Variants in EEA1 observed in about 807,000 individuals in gnomAD.
The protein encoded by EEA1 is early endosome antigen 1, 162kD.
In EEA1, 111 loss-of-function variants were observed where a neutral mutation model predicts 209.2. That is an observed-to-expected ratio of 0.53 (90% CI 0.45 to 0.62). EEA1 has a LOEUF of 0.62. EEA1 is among the 20% of genes least tolerant of loss of function. EEA1 has a pLI of 0.00. For synonymous variants in EEA1, 536 were observed against 540.6 expected, an observed-to-expected ratio of 0.99 and a Z score of 0.12; for missense variants, 1,343 against 1,530.8, an observed-to-expected ratio of 0.88 and a Z score of 2.05.
At chr12:92,834,262 G>A (rs1023481811) in intron 10 of EEA1, among the ~76,000 whole-genome samples, 2 of 152,016 alleles carry the variant, frequency 1.3e-5, no homozygotes, top group South Asian at 4.1e-4. Flanking sequence ...GTATAAGAGA[G>A]GCCAGGTGCA....
In EEA1 at chr12:92,828,095, T is replaced by C. The variant is rs142298589; in HGVS notation, c.1255-34A>G. 2.7e-3 allele frequency: 4,052 copies of C among 1,497,834 alleles called. 18 individuals carry two copies. The highest frequency in any genetic ancestry group is 8.7e-3 in the Middle Eastern group (49 of 5,640). 92.8% of individuals were successfully genotyped at this position (1,497,834 alleles called of 1,614,324 possible). On this transcript the variant is annotated intron_variant, in intron 11 of 28. Transcript: ENST00000322349. Reference sequence around the variant, plus strand: ...AAAGAAAAAAAAATGTATGTACATATGTACAAACACACACACAGCACCACC... The same window carrying C: ...AAAGAAAAAAAAATGTATGTACATACGTACAAACACACACACAGCACCACC...
intron 14 of EEA1, 131 bp downstream of exon 14, chr12:92,819,177 T>C: frequency 1.3e-6 from 1 of 764,986 alleles, no homozygotes; most frequent in South Asian, 3.0e-5. Context: ...AGATGCTATT[T>C]GGCAAAAAAT....
intron 22 of EEA1, among the ~76,000 whole-genome samples, chr12:92,784,013 C>T (rs1034284007): frequency 7.2e-5 from 11 of 152,218 alleles, no homozygotes; most frequent in African/African-American, 2.6e-4. Flanking sequence ...AACCCAGTTA[C>T]GTCTTTCTGA....
chr12:92,799,207 G>A (rs547165586), intron 20 of EEA1, 121 bp from the exon 21 acceptor site: 1 of 812,394 alleles, frequency 1.2e-6, no homozygotes, highest in East Asian at 2.9e-5. Context: ...AATTTACTGA[G>A]TAACTACTAC....
Position 92,776,840 on chromosome 12 carries a change from T to C in EEA1, c.4113+4A>G. 6.2e-7 allele frequency: 1 copy of C among 1,609,954 alleles called. No homozygotes were observed. Among genetic ancestry groups the C allele is most frequent in the Non-Finnish European group, 8.5e-7 (1 of 1,177,046 alleles). ...AACATAGTTACATGAACAAAATTAT[T>C]TACCCGTCTCACTGTTACTGAAAAG... On this transcript the variant is annotated splice_donor_region_variant and intron_variant, in intron 28 of 28. Transcript: ENST00000322349.
intron 26 of EEA1, 86 bp downstream of exon 26, chr12:92,777,855 T>G: frequency 7.1e-7 from 1 of 1,403,462 alleles, no homozygotes; most frequent in Non-Finnish European, 9.7e-7. Flanking sequence ...TTTCTCAAGA[T>G]TCTTCTATTT....
intron 1 of EEA1, among the ~76,000 whole-genome samples, chr12:92,901,504 G>T (rs1166536866): frequency 6.6e-6 from 1 of 152,020 alleles, no homozygotes; most frequent in Non-Finnish European, 1.5e-5. Context: ...CACAAGTCAG[G>T]GGTTTTTGAT....
chr12:92,793,215 C>T (rs865905118), intron 21 of EEA1, among the ~76,000 whole-genome samples: 68 of 152,136 alleles, frequency 4.5e-4, no homozygotes, highest in African/African-American at 1.6e-3. Context: ...CTTTAAAAAC[C>T]GGCACAAGAC....
rs776802901 is a variant in EEA1 at position 92,802,693 on chromosome 12, G to A, written c.2381C>T (p.Ala794Val). The A allele has an allele frequency of 2.0e-5, 32 of 1,598,032 alleles. No individual in the cohort carries two copies. Among genetic ancestry groups the A allele is most frequent in the Middle Eastern group, 1.7e-4 (1 of 6,000 alleles). ...AAGCTTTTGCTTGATACTTTCAAGG[G>A]CTTCAGATTTTTTCTGTAGATCCAA... ...TRLDLQKKSEALESIKQKLTK... is the reference protein window; with the variant it reads ...TRLDLQKKSEVLESIKQKLTK... The change falls in exon 19 of 29, where the codon GCC becomes GTC. Residue 794 changes from alanine (A) to valine (V), a missense_variant. Ala to Val is a moderately conservative substitution (Grantham distance 64). Coordinates refer to ENST00000322349, the MANE Select transcript of EEA1 (RefSeq NM_003566.4).
At chr12:92,826,099 T>C in intron 13 of EEA1, 67 bp downstream of exon 13, 1 of 1,466,656 alleles carries the variant, frequency 6.8e-7, no homozygotes, top group Non-Finnish European at 9.2e-7. Flanking sequence ...TTTTATTTTT[T>C]CTCTTATATT....
At chr12:92,898,729 C>T (rs1360459108) in intron 1 of EEA1, among the ~76,000 whole-genome samples, 7 of 127,848 alleles carry the variant, frequency 5.5e-5, no homozygotes, top group Admixed American at 2.4e-4. Context: ...TCCTTTTTTT[C>T]CCTTTTTTTT....
At chr12:92,894,486 T>C (rs923873888) in intron 1 of EEA1, among the ~76,000 whole-genome samples, 1 of 151,948 alleles carries the variant, frequency 6.6e-6, no homozygotes. Context: ...AAAAAGTTCC[T>C]GGGGAAATTA....
chr12:92,859,832 T>C (rs750140443), intron 3 of EEA1, among the ~76,000 whole-genome samples: 4 of 152,184 alleles, frequency 2.6e-5, no homozygotes, highest in Non-Finnish European at 4.4e-5. Flanking sequence ...TATCTTGAGC[T>C]CTATTATGAA....
At chr12:92,883,678 G>T in intron 2 of EEA1, 4 of 677,490 alleles carry the variant, frequency 5.9e-6, no homozygotes, top group South Asian at 4.2e-5. Context: ...TTACTTTATC[G>T]TAAGAATACA....
chr12:92,824,201 C>T (rs778083086), intron 13 of EEA1, among the ~76,000 whole-genome samples: 6 of 152,204 alleles, frequency 3.9e-5, no homozygotes, highest in Non-Finnish European at 7.3e-5. Flanking sequence ...CAATACTCTA[C>T]AATAAATCAG....
intron 3 of EEA1, chr12:92,858,875 G>A: frequency 2.8e-6 from 2 of 723,982 alleles, no homozygotes; most frequent in Non-Finnish European, 2.6e-6. Flanking sequence ...TTGTATGACT[G>A]GACAGAAAAC....
At chr12:92,825,868 T>C (rs1172187195) in intron 13 of EEA1, among the ~76,000 whole-genome samples, 1 of 149,526 alleles carries the variant, frequency 6.7e-6, no homozygotes, top group Non-Finnish European at 1.5e-5. Context: ...ATAAATCTAA[T>C]AAATTTAAGT....
chr12:92,801,573 T>A (rs1278417311), intron 20 of EEA1, 27 bp downstream of exon 20: 1 of 1,474,858 alleles, frequency 6.8e-7, no homozygotes, highest in South Asian at 1.3e-5. Context: ...ACTTTACAGA[T>A]TTTATGTTAC....
chr12:92,853,007 T>C lies in EEA1; in HGVS notation c.425A>G (p.Gln142Arg). ...TTCTGTTTGGGCTTCTTCTAATTGC[T>C]GTTCCAAAGACTGTAGTTCTACAAA... ...DSSAELQSLE[Q>R]QLEEAQTENF... The change falls in exon 7 of 29, where the codon CAG (glutamine) becomes CGG (arginine). Residue 142 changes from glutamine to arginine, a missense_variant. Physicochemically the swap from Gln to Arg is conservative, Grantham distance 43. Coordinates refer to ENST00000322349, the MANE Select transcript of EEA1 (RefSeq NM_003566.4). The C allele has an allele frequency of 6.2e-7, 1 of 1,608,036 alleles. No individual in the cohort carries two copies. The highest frequency in any genetic ancestry group is 8.5e-7 in the Non-Finnish European group (1 of 1,176,464).
Sources: gnomAD v4.1 joint callset for allele counts (sites outside exome capture counted in the v4.1 genomes callset) on GRCh38, gnomAD v4.1.1 for gene constraint, MANE v1.5 for transcripts, NCBI Gene and HGNC (gene_info 2026-07-23, HGNC 2026-07-21) for gene names.